Variants in ROBO2 observed in about 807,000 individuals in gnomAD.
ROBO2 encodes the protein roundabout homolog 2.
ROBO2 carries 53 observed loss-of-function variants against 160.8 expected under a neutral mutation model. The observed-to-expected ratio is 0.33, with a 90% confidence interval of 0.26 to 0.41. The LOEUF is 0.41. ROBO2 is among the 10% of genes least tolerant of loss of function. ROBO2 has a pLI of 1.00. For missense variants in ROBO2, 1,577 were observed against 1,722.4 expected (o/e 0.92, Z 1.49); for synonymous variants, 664 against 611.7 (o/e 1.09, Z -1.26).
chr3:76,009,505 TG>T (rs2066133290), intron 2 of ROBO2, among the ~76,000 whole-genome samples: 1 of 152,188 alleles, frequency 6.6e-6, no homozygotes, highest in South Asian at 2.1e-4. Context: ...TGCCATATTC[TG>T]GGGTAGCATG....
intron 2 of ROBO2, among the ~76,000 whole-genome samples, chr3:76,893,619 G>A (rs758427439): frequency 6.6e-6 from 1 of 151,892 alleles, no homozygotes; most frequent in African/African-American, 2.4e-5. Flanking sequence ...TCAAGTCAGG[G>A]TGTTTAAGGT....
intron 2 of ROBO2, among the ~76,000 whole-genome samples, chr3:76,701,860 AAAAC>A: frequency 1.3e-5 from 2 of 151,598 alleles, no homozygotes; most frequent in East Asian, 1.9e-4. Flanking sequence ...AAAAAAAAAA[AAAAC>A]AAAGGTCACT....
chr3:76,880,787 A>G (rs1211645039), intron 2 of ROBO2, among the ~76,000 whole-genome samples: 8 of 152,192 alleles, frequency 5.3e-5, no homozygotes, highest in Non-Finnish European at 1.2e-4. Context: ...AGTACAGTGA[A>G]TTTAAAAGAA....
chr3:76,261,441 T>G (rs571145835), intron 2 of ROBO2, among the ~76,000 whole-genome samples: 102 of 151,886 alleles, frequency 6.7e-4, no homozygotes, highest in South Asian at 2.7e-3. Context: ...GCCATTTTTT[T>G]GGGGGGGAAC....
chr3:77,445,920 C>T (rs766316628), intron 2 of ROBO2, among the ~76,000 whole-genome samples: 2 of 150,588 alleles, frequency 1.3e-5, no homozygotes, highest in Non-Finnish European at 2.9e-5. Context: ...TAGGATGACA[C>T]GTAGTAATTG....
intron 1 of ROBO2, among the ~76,000 whole-genome samples, chr3:75,911,601 A>G (rs1276984863): frequency 1.8e-5 from 2 of 112,752 alleles, no homozygotes; most frequent in Admixed American, 2.6e-4. Context: ...TCTGTCGCCC[A>G]GGCTGGAGTG....
At chr3:76,432,875 A>T (rs767722104) in intron 2 of ROBO2, among the ~76,000 whole-genome samples, 32 of 150,574 alleles carry the variant, frequency 2.1e-4, no homozygotes, top group Non-Finnish European at 4.3e-4. Flanking sequence ...AAAGGAGGAG[A>T]GAGGGAGGAA....
intron 2 of ROBO2, among the ~76,000 whole-genome samples, chr3:76,672,466 T>C (rs1412369030): frequency 6.6e-6 from 1 of 152,152 alleles, no homozygotes; most frequent in Non-Finnish European, 1.5e-5. Context: ...TGAGGGATCT[T>C]ACCATAGACA....
chr3:76,422,535 T>C (rs1287261961), intron 2 of ROBO2, among the ~76,000 whole-genome samples: 1 of 152,178 alleles, frequency 6.6e-6, no homozygotes, highest in Non-Finnish European at 1.5e-5. Context: ...ACCTCTCAGG[T>C]CACTGGGGCG....
chr3:76,283,267 A>G (rs1358724566), intron 2 of ROBO2, among the ~76,000 whole-genome samples: 1 of 149,168 alleles, frequency 6.7e-6, no homozygotes, highest in Admixed American at 6.8e-5. Context: ...AGTAGGTTGG[A>G]TTAGAAGTGT....
intron 2 of ROBO2, among the ~76,000 whole-genome samples, chr3:77,435,492 A>C (rs1235573146): frequency 5.3e-5 from 8 of 151,972 alleles, no homozygotes; most frequent in Non-Finnish European, 8.8e-5. Flanking sequence ...GAAGTTTTGA[A>C]TACAGGTTTA....
chr3:76,029,094 GT>G (rs2066835940), intron 2 of ROBO2, among the ~76,000 whole-genome samples: 2 of 151,982 alleles, frequency 1.3e-5, no homozygotes, highest in African/African-American at 4.8e-5. Flanking sequence ...TCTTATGACA[GT>G]TTAGCTAAAA....
chr3:76,094,309 A>G (rs1156795254), intron 2 of ROBO2, among the ~76,000 whole-genome samples: 1 of 152,254 alleles, frequency 6.6e-6, no homozygotes, highest in Non-Finnish European at 1.5e-5. Flanking sequence ...CCTCAGAAGC[A>G]GGAAGGAGAC....
chr3:76,623,065 A>G (rs987215265), intron 2 of ROBO2, among the ~76,000 whole-genome samples: 4 of 118,156 alleles, frequency 3.4e-5, no homozygotes, highest in Admixed American at 1.0e-4. Context: ...TGCATGTACT[A>G]TCTGAAATCT....
intron 2 of ROBO2, among the ~76,000 whole-genome samples, chr3:77,171,319 C>T (rs1242026818): frequency 2.0e-5 from 3 of 152,184 alleles, no homozygotes; most frequent in African/African-American, 7.2e-5. Flanking sequence ...GGCCAAGGCA[C>T]ATTAGCTTTA....
intron 2 of ROBO2, among the ~76,000 whole-genome samples, chr3:76,704,804 T>C (rs751882913): frequency 2.0e-5 from 3 of 152,118 alleles, no homozygotes; most frequent in Non-Finnish European, 4.4e-5. Flanking sequence ...AGCAGGGCTC[T>C]CTAGAAGACT....
chr3:77,150,865 A>G (rs761857354), intron 2 of ROBO2, among the ~76,000 whole-genome samples: 1 of 152,184 alleles, frequency 6.6e-6, no homozygotes, highest in African/African-American at 2.4e-5. Flanking sequence ...GTTATAGGGA[A>G]GGAAAATTAT....
At chr3:76,952,637 T>G (rs1051721353) in intron 2 of ROBO2, among the ~76,000 whole-genome samples, 1 of 152,104 alleles carries the variant, frequency 6.6e-6, no homozygotes, top group African/African-American at 2.4e-5. Context: ...GTCATGCAAT[T>G]ATCATATATG....
At chr3:76,487,773 C>T (rs1025279832) in intron 2 of ROBO2, among the ~76,000 whole-genome samples, 9 of 152,210 alleles carry the variant, frequency 5.9e-5, no homozygotes, top group Middle Eastern at 3.2e-3. Flanking sequence ...AAGAATTAAT[C>T]TCTTTGCAGT....
Sources: allele counts gnomAD v4.1 joint callset (sites outside exome capture counted in the v4.1 genomes callset), GRCh38; gene constraint gnomAD v4.1.1; transcripts MANE v1.5; gene names NCBI Gene and HGNC (gene_info 2026-07-23, HGNC 2026-07-21).